The following SWAP70 variants were observed in gnomAD, a reference collection of about 807,000 sequenced individuals.
SWAP70 encodes switch-associated protein 70.
SWAP70 carries 34 observed loss-of-function variants against 80.2 expected under a neutral mutation model. That is an observed-to-expected ratio of 0.42 (90% CI 0.32 to 0.56). The LOEUF (loss-of-function observed/expected upper bound fraction) is 0.56, where lower values mean the gene tolerates loss of function less well. SWAP70 is among the 20% of genes least tolerant of loss of function. The pLI, the probability that SWAP70 is intolerant of heterozygous loss-of-function variation, is 0.09. For missense variants in SWAP70, 578 were observed against 690.7 expected (o/e 0.84, Z 1.83); for synonymous variants, 239 against 238.5 (o/e 1.00, Z -0.02).
In SWAP70 at chr11:9,740,166, C is replaced by G. The variant is rs200569703; in HGVS notation, c.1189-15C>G. The G allele has an allele frequency of 5.0e-5, 80 of 1,612,170 alleles. 1 individual carries two copies. In the Admixed American group the frequency reaches 6.7e-4, roughly 13 times the overall value. On this transcript the variant is annotated splice_polypyrimidine_tract_variant and intron_variant, in intron 8 of 11. Coordinates refer to ENST00000318950, the MANE Select transcript of SWAP70 (RefSeq NM_015055.4). ...AGTCAACCTGCATTTAAACAAGACC[C>G]TTTTATACCAACAGATCAGACAGCA...
intron 1 of SWAP70, chr11:9,680,874 CAA>C (rs1850558578): frequency 6.6e-6 from 1 of 152,074 alleles, no homozygotes. Context: ...CAGTTGCAGA[CAA>C]AGTTTCATGA....
At chr11:9,699,866 GTA>G (rs113413903) in intron 2 of SWAP70, among the ~76,000 whole-genome samples, 31,083 of 143,976 alleles carry the variant, frequency 0.22, 4,079 homozygotes, top group Non-Finnish European at 0.3. Context: ...TGTATAGTGT[GTA>G]TATATATATA....
At chr11:9,729,178 T>C (rs941129126) in intron 5 of SWAP70, among the ~76,000 whole-genome samples, 165 bp from the exon 6 acceptor site, 1 of 152,242 alleles carries the variant, frequency 6.6e-6, no homozygotes, top group Non-Finnish European at 1.5e-5. Context: ...GGGTCATTTT[T>C]ACCATAAGTA....
intron 1 of SWAP70, among the ~76,000 whole-genome samples, chr11:9,693,257 A>G (rs1850717031): frequency 6.6e-6 from 1 of 152,230 alleles, no homozygotes. Context: ...AGCACAAATG[A>G]AATGGAAGGG....
At chr11:9,741,634 G>T (rs1402666509) in intron 9 of SWAP70, 1 of 152,204 alleles carries the variant, frequency 6.6e-6, no homozygotes, top group African/African-American at 2.4e-5. Context: ...CTGCAGTTTT[G>T]TGGGAAGTTG....
chr11:9,709,338 A>G (rs892098657), intron 2 of SWAP70, among the ~76,000 whole-genome samples: 4 of 152,110 alleles, frequency 2.6e-5, no homozygotes, highest in East Asian at 1.9e-4. Flanking sequence ...TATATTGCCT[A>G]TATTGGTCTC....
Position 9,732,629 on chromosome 11 carries a change from A to G in SWAP70, c.999A>G (p.Glu333=), listed in dbSNP as rs1449114410. 1.9e-6 allele frequency: 3 copies of G among 1,587,536 alleles called. No individual in the cohort carries two copies. Among genetic ancestry groups the G allele is most frequent in the Non-Finnish European group, 1.7e-6 (2 of 1,165,044 alleles). Residue 333 remains glutamate, a synonymous_variant, in exon 7 of 12, where the codon GAA becomes GAG. Transcript: ENST00000318950. ...AACTCCGGAAGAAGCAGCTGGCTGA[A>G]CAAGAGGAACTGGAGCGACAAATGA... ...RKELRKKQLA[E]QEELERQMKE...
intron 1 of SWAP70, among the ~76,000 whole-genome samples, chr11:9,671,543 TATATAGAA>T (rs1850391503): frequency 1.2e-5 from 1 of 82,474 alleles, no homozygotes; most frequent in African/African-American, 4.4e-5. Flanking sequence ...TATATAGAAA[TATATAGAA>T]ATATATATAA....
chr11:9,677,160 T>C (rs1850512428), intron 1 of SWAP70, among the ~76,000 whole-genome samples: 3 of 152,048 alleles, frequency 2.0e-5, no homozygotes, highest in Admixed American at 2.0e-4. Context: ...AATTATGGTA[T>C]AAATTTGCAG....
intron 7 of SWAP70, among the ~76,000 whole-genome samples, chr11:9,734,002 TC>T (rs1554892901): frequency 6.6e-6 from 1 of 152,166 alleles, no homozygotes; most frequent in Non-Finnish European, 1.5e-5. Context: ...CCAAAGTGTT[TC>T]AGATTTGGGA....
In SWAP70 at chr11:9,685,590, G is replaced by C. The variant is rs147560683; in HGVS notation, c.100-8556G>C. Among the ~76,000 whole-genome samples the C allele has an allele frequency of 9.5e-3, 1,372 of 144,816 alleles. 9 individuals carry two copies. The highest frequency in any genetic ancestry group is 0.014 in the Non-Finnish European group (893 of 63,264). On this transcript the variant is annotated intron_variant, in intron 1 of 11. Coordinates refer to ENST00000318950, the MANE Select transcript of SWAP70 (RefSeq NM_015055.4). The stretch of plus-strand genomic sequence containing the variant: ...TTATAAGGTCATTGATCCCATTTGC[G>C]AGAGTTCCGCTCTCTTGACTTAATC...
intron 3 of SWAP70, among the ~76,000 whole-genome samples, chr11:9,716,587 G>A (rs1315739978): frequency 6.6e-6 from 1 of 152,306 alleles, no homozygotes; most frequent in East Asian, 1.9e-4. Context: ...GTTGATGTAT[G>A]TGAAACATTT....
intron 3 of SWAP70, 50 bp from the exon 4 acceptor site, chr11:9,724,608 G>A: frequency 7.1e-7 from 1 of 1,411,328 alleles, no homozygotes; most frequent in Non-Finnish European, 9.7e-7. Context: ...ACATAACTAT[G>A]TTAAAGTTTT....
chr11:9,702,847 A>C (rs1197925907), intron 2 of SWAP70, among the ~76,000 whole-genome samples: 1 of 152,214 alleles, frequency 6.6e-6, no homozygotes, highest in Non-Finnish European at 1.5e-5. Flanking sequence ...AGAAACATGA[A>C]TGACTTTATA....
intron 1 of SWAP70, among the ~76,000 whole-genome samples, chr11:9,666,077 C>T (rs1590002420): frequency 7.0e-6 from 1 of 142,486 alleles, no homozygotes. Context: ...TTTGAATATG[C>T]TTTAGTTTTT....
chr11:9,702,936 A>C (rs1399671660), intron 2 of SWAP70, among the ~76,000 whole-genome samples: 1 of 152,168 alleles, frequency 6.6e-6, no homozygotes, highest in Non-Finnish European at 1.5e-5. Context: ...TTTTATTGAG[A>C]TATAAATTAC....
intron 1 of SWAP70, among the ~76,000 whole-genome samples, chr11:9,691,867 T>C (rs757322668): frequency 2.0e-5 from 3 of 152,216 alleles, no homozygotes; most frequent in Non-Finnish European, 4.4e-5. Flanking sequence ...AGATGGTGTT[T>C]TTTGTTTCCT....
intron 2 of SWAP70, chr11:9,703,367 A>G (rs575062715): frequency 4.6e-5 from 21 of 456,304 alleles, no homozygotes; most frequent in East Asian, 2.8e-4. Context: ...CTTTAGTGCA[A>G]TCACGTTGGC....
At chr11:9,729,709 G>A (rs1287852066) in intron 6 of SWAP70, among the ~76,000 whole-genome samples, 2 of 152,026 alleles carry the variant, frequency 1.3e-5, no homozygotes, top group South Asian at 2.1e-4. Flanking sequence ...GGTCACGCTG[G>A]TCTCAATCTC....
Sources: gnomAD v4.1 joint callset for allele counts (sites outside exome capture counted in the v4.1 genomes callset) on GRCh38, gnomAD v4.1.1 for gene constraint, MANE v1.5 for transcripts, NCBI Gene and HGNC (gene_info 2026-07-23, HGNC 2026-07-21) for gene names.